MAPK10: variants seen among roughly 807,000 people sequenced by gnomAD.
MAPK10 encodes mitogen-activated protein kinase 10, also known as JNK3 alpha protein kinase.
A neutral mutation model predicts 59.3 loss-of-function variants in MAPK10; 25 were observed. The ratio of observed to expected loss-of-function variants is 0.42; its 90% CI spans 0.31 to 0.59. The LOEUF (loss-of-function observed/expected upper bound fraction) is 0.59, where lower values mean the gene tolerates loss of function less well. Ranked by LOEUF, MAPK10 falls within the 20% of genes least tolerant of loss-of-function variation. The pLI, the probability that MAPK10 is intolerant of heterozygous loss-of-function variation, is 0.15. For synonymous variants in MAPK10, 190 were observed against 200.5 expected, an observed-to-expected ratio of 0.95 and a Z score of 0.44; for missense variants, 351 against 568.9, an observed-to-expected ratio of 0.62 and a Z score of 3.90.
intron 2 of MAPK10, among the ~76,000 whole-genome samples, chr4:86,208,754 A>G (rs931193929): frequency 6.6e-6 from 1 of 152,086 alleles, no homozygotes; most frequent in African/African-American, 2.4e-5. Context: ...ATTAGGCAGG[A>G]GAAGAAAATA....
chr4:86,135,627 C>T (rs1342870358), intron 4 of MAPK10, among the ~76,000 whole-genome samples: 4 of 152,142 alleles, frequency 2.6e-5, no homozygotes, highest in African/African-American at 4.8e-5. Context: ...AAAAGCAGAG[C>T]GCCTCTCCTC....
chr4:86,583,774 G>T (rs1762471738), intron 1 of MAPK10, among the ~76,000 whole-genome samples: 1 of 152,184 alleles, frequency 6.6e-6, no homozygotes, highest in Non-Finnish European at 1.5e-5. Flanking sequence ...TGCCCTAAAA[G>T]AGTTCATATT....
rs1028653815 is a variant in MAPK10, at chr4:86,247,221, T to G, written c.-6-52814A>C. ...CTCTGTCTCTGTCTCTGTATTTTCC[T>G]CTATGTTCTCTCATTGTTTAAGCCA... On this transcript the variant is annotated intron_variant, in intron 2 of 13. Coordinates refer to ENST00000641462, the MANE Select transcript of MAPK10 (RefSeq NM_138982.4). Among the ~76,000 whole-genome samples the G allele has an allele frequency of 2.0e-5, 3 of 152,206 alleles. No individual in the cohort carries two copies. In the South Asian group the frequency reaches 6.2e-4, roughly 32 times the overall value.
chr4:86,346,430 AC>A (rs1728241071), intron 2 of MAPK10, among the ~76,000 whole-genome samples: 1 of 152,178 alleles, frequency 6.6e-6, no homozygotes, highest in South Asian at 2.1e-4. Flanking sequence ...ATTGTTTATA[AC>A]AAGAGAAAAA....
intron 2 of MAPK10, among the ~76,000 whole-genome samples, chr4:86,245,432 C>T (rs1224565808): frequency 5.9e-5 from 9 of 152,016 alleles, no homozygotes; most frequent in African/African-American, 2.2e-4. Flanking sequence ...CCACCTTAGC[C>T]TCCTGAGTAG....
At chr4:86,331,536 G>A (rs1007176102) in intron 2 of MAPK10, among the ~76,000 whole-genome samples, 3 of 149,034 alleles carry the variant, frequency 2.0e-5, no homozygotes. Context: ...AAAACCACAT[G>A]TTTCTCTCTC....
chr4:86,571,628 T>C (rs1033781076), intron 1 of MAPK10, among the ~76,000 whole-genome samples: 7 of 152,054 alleles, frequency 4.6e-5, no homozygotes, highest in Admixed American at 4.6e-4. Context: ...AGCAAACTAA[T>C]TCATTCCTGA....
chr4:86,067,161 C>T (rs1426416807), intron 10 of MAPK10, among the ~76,000 whole-genome samples: 2 of 152,062 alleles, frequency 1.3e-5, no homozygotes, highest in Non-Finnish European at 2.9e-5. Context: ...TTTTTTGAGA[C>T]GGAGTCTTGC....
chr4:86,264,076 A>G (rs1289377360), intron 2 of MAPK10, among the ~76,000 whole-genome samples: 1 of 152,210 alleles, frequency 6.6e-6, no homozygotes, highest in Non-Finnish European at 1.5e-5. Context: ...TGCGAATATA[A>G]AGAGCAGAAA....
intron 1 of MAPK10, among the ~76,000 whole-genome samples, chr4:86,483,455 A>G (rs4693147): frequency 0.22 from 34,146 of 152,094 alleles, 4,780 homozygotes; most frequent in Admixed American, 0.31. Flanking sequence ...TATAGAACAA[A>G]CTAGAGAGAC....
At chr4:86,379,557 C>T (rs754265923) in intron 1 of MAPK10, among the ~76,000 whole-genome samples, 11 of 152,144 alleles carry the variant, frequency 7.2e-5, no homozygotes, top group Non-Finnish European at 1.5e-4. Context: ...GGGCAAGGAA[C>T]ACCTGGCCCA....
intron 2 of MAPK10, among the ~76,000 whole-genome samples, chr4:86,265,133 C>T: frequency 6.6e-6 from 1 of 152,016 alleles, no homozygotes; most frequent in East Asian, 1.9e-4. Context: ...TCGTGACGTA[C>T]CTGCCTCGGC....
intron 4 of MAPK10, among the ~76,000 whole-genome samples, chr4:86,147,899 C>T (rs1270702161): frequency 6.6e-6 from 1 of 152,106 alleles, no homozygotes; most frequent in Non-Finnish European, 1.5e-5. Context: ...ATGCTAGCCT[C>T]CGTTATTAGT....
chr4:86,362,124 T>A (rs1221576559), upstream of MAPK10, among the ~76,000 whole-genome samples: 1 of 152,086 alleles, frequency 6.6e-6, no homozygotes, highest in Non-Finnish European at 1.5e-5. Flanking sequence ...TATACATGTA[T>A]CAAAACATCA....
rs1023931917 is a variant in MAPK10 at position 86,012,933 on chromosome 4, A to T, written c.*4295T>A. 1 of 152,192 alleles carries T rather than the reference A, an allele frequency of 6.6e-6. No homozygotes were observed. The highest frequency in any genetic ancestry group is 2.4e-5 in the African/African-American group (1 of 41,444). The allele number at this position is 152,192 out of a possible 1,614,324, so 9.4% of individuals were successfully genotyped here. On this transcript the variant is annotated 3_prime_UTR_variant, in exon 14 of 14. Transcript: ENST00000641462. ...CATTGGTAATAGTCTTTGGAGTCCA[A>T]TCATGCAGAAAAACAGGCAGGTGCA...
intron 1 of MAPK10, among the ~76,000 whole-genome samples, chr4:86,491,980 A>G (rs1754488456): frequency 6.6e-6 from 1 of 152,226 alleles, no homozygotes; most frequent in Non-Finnish European, 1.5e-5. Flanking sequence ...GAAAAAAATG[A>G]TATAGTCCCA....
chr4:86,260,060 C>G (rs1722260933), intron 2 of MAPK10, among the ~76,000 whole-genome samples: 1 of 152,086 alleles, frequency 6.6e-6, no homozygotes, highest in Admixed American at 6.6e-5. Flanking sequence ...GCCATTCACT[C>G]TTCTAAGAGT....
At chr4:86,264,977 C>T (rs771575976) in intron 2 of MAPK10, among the ~76,000 whole-genome samples, 86 of 150,382 alleles carry the variant, frequency 5.7e-4, no homozygotes, top group Admixed American at 1.5e-3. Context: ...CTGCAACCTC[C>T]GCCTCCCGGG....
intron 1 of MAPK10, among the ~76,000 whole-genome samples, chr4:86,489,469 C>T (rs1399315356): frequency 2.0e-5 from 3 of 152,036 alleles, no homozygotes; most frequent in Non-Finnish European, 4.4e-5. Context: ...AACTGATAAA[C>T]TAATATGAAT....
Sources: allele counts gnomAD v4.1 joint callset (sites outside exome capture counted in the v4.1 genomes callset), GRCh38; gene constraint gnomAD v4.1.1; transcripts MANE v1.5; gene names NCBI Gene and HGNC (gene_info 2026-07-23, HGNC 2026-07-21).